Variants in ITPR2 observed in about 807,000 individuals in gnomAD.
The protein encoded by ITPR2 is inositol 1,4,5-trisphosphate-gated calcium channel ITPR2.
A neutral mutation model predicts 317.1 loss-of-function variants in ITPR2; 207 were observed. That is an observed-to-expected ratio of 0.65 (90% CI 0.58 to 0.73). The LOEUF is 0.73. Among genes scored for constraint, ITPR2 ranks in the 30% least tolerant of loss-of-function variants. ITPR2 has a pLI of 0.00. For missense variants in ITPR2, 2,613 were observed against 3,284.0 expected (o/e 0.80, Z 4.99); for synonymous variants, 1,156 against 1,149.1 (o/e 1.01, Z -0.12).
chr12:26,710,021 T>C (rs1477771925), intron 9 of ITPR2, among the ~76,000 whole-genome samples: 1 of 152,088 alleles, frequency 6.6e-6, no homozygotes, highest in Non-Finnish European at 1.5e-5. Flanking sequence ...GGCGCTTGAG[T>C]CCAGGAGTCT....
intron 2 of ITPR2, among the ~76,000 whole-genome samples, chr12:26,781,106 G>A (rs1451189894): frequency 6.6e-6 from 1 of 152,174 alleles, no homozygotes; most frequent in East Asian, 1.9e-4. Context: ...TAAGGTCAAT[G>A]AGAAACTAAA....
chr12:26,478,632 G>T (rs1219854289), intron 43 of ITPR2, among the ~76,000 whole-genome samples: 1 of 151,806 alleles, frequency 6.6e-6, no homozygotes, highest in African/African-American at 2.4e-5. Context: ...CTTATAAACG[G>T]CCTAATGAAA....
intron 55 of ITPR2, among the ~76,000 whole-genome samples, chr12:26,379,189 T>C (rs1044719313): frequency 4.6e-5 from 7 of 152,234 alleles, no homozygotes; most frequent in African/African-American, 1.7e-4. Context: ...GAGCCTCAGT[T>C]TCCTCATGTG....
chr12:26,554,355 C>A (rs530885142), intron 36 of ITPR2, among the ~76,000 whole-genome samples: 15 of 152,292 alleles, frequency 9.8e-5, no homozygotes, highest in African/African-American at 3.6e-4. Context: ...ATTTAAATAA[C>A]CATGTGTGGC....
chr12:26,719,480 TAA>T (rs1327602426), intron 5 of ITPR2, among the ~76,000 whole-genome samples: 1 of 152,170 alleles, frequency 6.6e-6, no homozygotes, highest in Non-Finnish European at 1.5e-5. Flanking sequence ...TCGCTGAAAA[TAA>T]AGAGGGATAT....
intron 36 of ITPR2, among the ~76,000 whole-genome samples, chr12:26,554,078 T>C (rs923843958): frequency 2.6e-5 from 4 of 152,244 alleles, no homozygotes; most frequent in Non-Finnish European, 5.9e-5. Context: ...GGTTACCTAA[T>C]GATGCCACAG....
intron 2 of ITPR2, among the ~76,000 whole-genome samples, chr12:26,745,725 C>G (rs919305760): frequency 6.6e-6 from 1 of 152,058 alleles, no homozygotes; most frequent in East Asian, 1.9e-4. Flanking sequence ...TTGTGGAACA[C>G]AATTATCAAA....
chr12:26,569,096 C>A (rs918364367), intron 34 of ITPR2, among the ~76,000 whole-genome samples: 1 of 152,008 alleles, frequency 6.6e-6, no homozygotes, highest in African/African-American at 2.4e-5. Flanking sequence ...TCCCAAAACA[C>A]AAAGAGACAA....
At chr12:26,655,529 G>T (rs927216654) in intron 20 of ITPR2, among the ~76,000 whole-genome samples, 179 bp downstream of exon 20, 7 of 151,550 alleles carry the variant, frequency 4.6e-5, no homozygotes, top group Non-Finnish European at 8.8e-5. Flanking sequence ...CAGGAGAATG[G>T]CGTGAACCCG....
chr12:26,422,907 A>T (rs1940941727), intron 49 of ITPR2, among the ~76,000 whole-genome samples: 1 of 152,206 alleles, frequency 6.6e-6, no homozygotes, highest in African/African-American at 2.4e-5. Flanking sequence ...ACTAAACATG[A>T]GATGGTTTGA....
chr12:26,527,498 T>C (rs900459409), intron 37 of ITPR2, among the ~76,000 whole-genome samples: 1 of 152,230 alleles, frequency 6.6e-6, no homozygotes, highest in Non-Finnish European at 1.5e-5. Flanking sequence ...CTGGTAGACT[T>C]ACTGAGATAA....
intron 28 of ITPR2, among the ~76,000 whole-genome samples, chr12:26,601,900 T>A (rs1946007210): frequency 6.6e-6 from 1 of 152,048 alleles, no homozygotes; most frequent in East Asian, 1.9e-4. Flanking sequence ...TCCGGTTATG[T>A]CCCTGCCAAA....
At chr12:26,354,201 G>A (rs1303783354) in intron 55 of ITPR2, among the ~76,000 whole-genome samples, 2 of 152,126 alleles carry the variant, frequency 1.3e-5, no homozygotes, top group African/African-American at 4.8e-5. Flanking sequence ...TTGAACCCGG[G>A]AGGTGGAGGT....
intron 1 of ITPR2, among the ~76,000 whole-genome samples, chr12:26,792,062 C>T (rs998998840): frequency 1.3e-5 from 2 of 152,104 alleles, no homozygotes; most frequent in Non-Finnish European, 1.5e-5. Context: ...GACCAGCCAT[C>T]AAGAGGAATG....
intron 2 of ITPR2, among the ~76,000 whole-genome samples, chr12:26,755,996 C>G (rs1001885429): frequency 2.6e-5 from 4 of 152,126 alleles, no homozygotes; most frequent in African/African-American, 9.7e-5. Context: ...CTAAAAAAGT[C>G]TTATCTAAGA....
intron 32 of ITPR2, among the ~76,000 whole-genome samples, chr12:26,588,658 T>C (rs1458241940): frequency 6.6e-6 from 1 of 152,192 alleles, no homozygotes; most frequent in Middle Eastern, 3.2e-3. Context: ...AAATTTTAAG[T>C]AAAAACTTGA....
chr12:26,809,961 GACAA>G (rs1333806580), intron 1 of ITPR2, among the ~76,000 whole-genome samples: 3 of 152,174 alleles, frequency 2.0e-5, no homozygotes, highest in Non-Finnish European at 4.4e-5. Flanking sequence ...TCCATTAGAA[GACAA>G]ACAATTCTTC....
Position 26,386,743 on chromosome 12 carries a change from TACTC to T in ITPR2, c.7857+687_7857+690del, listed in dbSNP as rs1326268640. 2.1e-4 allele frequency among the ~76,000 whole-genome samples: 32 copies of T among 152,236 alleles called. 1 individual carries two copies. The highest frequency in any genetic ancestry group is 2.1e-3 in the South Asian group (10 of 4,832). Reference sequence around the variant, plus strand: ...CAAACATTTATATCAGATGTAACGATACTCACTAAATGTGTACACATATACACTG... The same window carrying T: ...CAAACATTTATATCAGATGTAACGATACTAAATGTGTACACATATACACTG... On this transcript the variant is annotated intron_variant, in intron 55 of 56. Coordinates refer to ENST00000381340, the MANE Select transcript of ITPR2 (RefSeq NM_002223.4).
intron 2 of ITPR2, 100 bp from the exon 3 acceptor site, chr12:26,725,865 T>C: frequency 4.0e-6 from 3 of 748,720 alleles, no homozygotes; most frequent in South Asian, 1.6e-5. Flanking sequence ...TCCCTGATTA[T>C]ACAGAACAGT....
Sources: allele counts gnomAD v4.1 joint callset (sites outside exome capture counted in the v4.1 genomes callset), GRCh38; gene constraint gnomAD v4.1.1; transcripts MANE v1.5; gene names NCBI Gene and HGNC (gene_info 2026-07-23, HGNC 2026-07-21).